GATAD2B: variants seen among roughly 807,000 people sequenced by gnomAD.
GATAD2B encodes the protein transcriptional repressor p66-beta.
GATAD2B carries 8 observed loss-of-function variants against 64.3 expected under a neutral mutation model. The ratio of observed to expected loss-of-function variants is 0.12; its 90% CI spans 0.07 to 0.22. The LOEUF (loss-of-function observed/expected upper bound fraction) is 0.22. Among genes scored for constraint, GATAD2B ranks in the 10% least tolerant of loss-of-function variants. The probability of loss-of-function intolerance (pLI) is 1.00; values close to 1 mark genes in which losing one functional copy is unlikely to be tolerated. For synonymous variants in GATAD2B, 281 were observed against 271.3 expected (o/e 1.04, Z -0.35); for missense variants, 453 against 752.0 (o/e 0.60, Z 4.65).
chr1:153,864,164 T>C (rs1448803142), intron 1 of GATAD2B, among the ~76,000 whole-genome samples: 3 of 152,150 alleles, frequency 2.0e-5, no homozygotes, highest in Non-Finnish European at 4.4e-5. Context: ...CAAAACATGT[T>C]GTAAGTGATA....
At chr1:153,892,017 C>G (rs1677423674) in intron 1 of GATAD2B, among the ~76,000 whole-genome samples, 1 of 151,510 alleles carries the variant, frequency 6.6e-6, no homozygotes, top group South Asian at 2.1e-4. Flanking sequence ...CAAAAATTAG[C>G]CAGGCATGGC....
intron 1 of GATAD2B, among the ~76,000 whole-genome samples, chr1:153,863,136 T>C (rs1676368812): frequency 6.6e-6 from 1 of 152,168 alleles, no homozygotes; most frequent in South Asian, 2.1e-4. Context: ...TACTCTCTCC[T>C]GGTTATTACT....
At chr1:153,821,379 G>A (rs1048046945) in intron 2 of GATAD2B, among the ~76,000 whole-genome samples, 1 of 152,080 alleles carries the variant, frequency 6.6e-6, no homozygotes, top group Non-Finnish European at 1.5e-5. Flanking sequence ...CCAAACTTAG[G>A]TAAGGAAATA....
chr1:153,910,234 T>C (rs777659399), intron 1 of GATAD2B, among the ~76,000 whole-genome samples: 58 of 152,302 alleles, frequency 3.8e-4, no homozygotes, highest in Non-Finnish European at 6.2e-4. Flanking sequence ...AAGCTACTAG[T>C]GATTTTCACA....
chr1:153,875,791 T>A (rs1429056427), intron 1 of GATAD2B, among the ~76,000 whole-genome samples: 5 of 151,748 alleles, frequency 3.3e-5, no homozygotes, highest in African/African-American at 1.2e-4. Flanking sequence ...TCTATCTTGC[T>A]AACATTCACT....
At chr1:153,814,152 C>G (rs898014904) in intron 7 of GATAD2B, among the ~76,000 whole-genome samples, 1 of 152,218 alleles carries the variant, frequency 6.6e-6, no homozygotes, top group Admixed American at 6.5e-5. Context: ...GTACTTATCC[C>G]TGTCATATAC....
chr1:153,883,635 A>AT (rs1442356849), intron 1 of GATAD2B, among the ~76,000 whole-genome samples: 1 of 152,128 alleles, frequency 6.6e-6, no homozygotes, highest in East Asian at 1.9e-4. Flanking sequence ...ATGATTGTCT[A>AT]TTTTTTAACA....
At chr1:153,887,643 T>A (rs1444847399) in intron 1 of GATAD2B, among the ~76,000 whole-genome samples, 1 of 152,168 alleles carries the variant, frequency 6.6e-6, no homozygotes, top group East Asian at 1.9e-4. Context: ...TTCGCTGTGT[T>A]GTCCCAGTGG....
intron 1 of GATAD2B, among the ~76,000 whole-genome samples, chr1:153,855,223 TTG>T (rs1418232528): frequency 6.2e-5 from 2 of 32,486 alleles, no homozygotes; most frequent in Non-Finnish European, 1.9e-4. Flanking sequence ...AGCTTTCTTT[TTG>T]TTTTTTTTTT....
chr1:153,864,647 T>G (rs1676418447), intron 1 of GATAD2B, among the ~76,000 whole-genome samples: 1 of 149,208 alleles, frequency 6.7e-6, no homozygotes, highest in African/African-American at 2.5e-5. Flanking sequence ...AAGAAAGAGA[T>G]GAAAGAGAGG....
chr1:153,845,717 C>T (rs997192688), intron 1 of GATAD2B, among the ~76,000 whole-genome samples: 2 of 151,876 alleles, frequency 1.3e-5, no homozygotes, highest in African/African-American at 2.4e-5. Flanking sequence ...GCAATTGCAC[C>T]ACTGCACTCA....
At chr1:153,914,097 G>A (rs1167075655) in intron 1 of GATAD2B, among the ~76,000 whole-genome samples, 1 of 151,342 alleles carries the variant, frequency 6.6e-6, no homozygotes, top group African/African-American at 2.4e-5. Flanking sequence ...ACAAAAATTA[G>A]CTGGGCATGG....
intron 1 of GATAD2B, among the ~76,000 whole-genome samples, chr1:153,880,668 A>C (rs573002776): frequency 6.6e-6 from 1 of 151,850 alleles, no homozygotes; most frequent in Non-Finnish European, 1.5e-5. Flanking sequence ...ACACAGGAAG[A>C]CCAAATTTCA....
At chr1:153,855,408 T>C (rs1011258971) in intron 1 of GATAD2B, among the ~76,000 whole-genome samples, 2 of 152,050 alleles carry the variant, frequency 1.3e-5, no homozygotes, top group Non-Finnish European at 2.9e-5. Flanking sequence ...TTTGTATTTT[T>C]AGTAGAGACA....
intron 10 of GATAD2B, among the ~76,000 whole-genome samples, chr1:153,811,009 C>G (rs1557777753): frequency 6.6e-6 from 1 of 151,754 alleles, no homozygotes; most frequent in Admixed American, 6.6e-5. Context: ...AGGTAATCCA[C>G]TCGCTTTGGC....
At chr1:153,841,168 TAAA>T (rs1311255012) in intron 1 of GATAD2B, among the ~76,000 whole-genome samples, 2 of 149,276 alleles carry the variant, frequency 1.3e-5, no homozygotes, top group African/African-American at 4.9e-5. Context: ...AAGATGGAGA[TAAA>T]GAAGATCTCA....
intron 1 of GATAD2B, among the ~76,000 whole-genome samples, chr1:153,920,375 AG>A (rs1678394145): frequency 6.6e-6 from 1 of 152,216 alleles, no homozygotes; most frequent in Non-Finnish European, 1.5e-5. Flanking sequence ...ACAGCATACA[AG>A]CTTTTGAAAG....
intron 1 of GATAD2B, among the ~76,000 whole-genome samples, chr1:153,872,368 A>G (rs1299193851): frequency 6.6e-6 from 1 of 151,794 alleles, no homozygotes; most frequent in African/African-American, 2.4e-5. Flanking sequence ...GTTAGCAGCA[A>G]ATGTGAACTC....
At chr1:153,868,446 T>TG (rs1172829121) in intron 1 of GATAD2B, among the ~76,000 whole-genome samples, 3 of 151,294 alleles carry the variant, frequency 2.0e-5, no homozygotes, top group Non-Finnish European at 4.4e-5. Context: ...GTTGTTCTAG[T>TG]TAACAGCATG....
Sources: gnomAD v4.1 joint callset for allele counts (sites outside exome capture counted in the v4.1 genomes callset) on GRCh38, gnomAD v4.1.1 for gene constraint, MANE v1.5 for transcripts, NCBI Gene and HGNC (gene_info 2026-07-23, HGNC 2026-07-21) for gene names.